MUC22: variants seen among roughly 807,000 people sequenced by gnomAD.
The protein encoded by MUC22 is mucin 22, also known as mucin-22.
In MUC22, 24 loss-of-function variants were observed where a neutral mutation model predicts 40.3. The observed-to-expected ratio is 0.60, with a 90% CI of 0.43 to 0.84. The LOEUF (loss-of-function observed/expected upper bound fraction) is 0.84, where lower values mean the gene tolerates loss of function less well. Ranked by LOEUF, MUC22 falls within the 40% of genes least tolerant of loss-of-function variation. The pLI is 0.00. For missense variants in MUC22, 1,926 were observed against 2,130.7 expected (o/e 0.90, Z 1.89); for synonymous variants, 765 against 844.5 (o/e 0.91, Z 1.63).
chr6:31,018,556 C>T lies in MUC22; in HGVS notation c.71-6946C>T, dbSNP rs145048612. Among the ~76,000 whole-genome samples the T allele has an allele frequency of 1.7e-4, 26 of 152,356 alleles. 1 individual carries two copies. In the East Asian group the frequency reaches 4.4e-3, roughly 26 times the overall value. ...ATCTCCTCTGCTGTTATCTCTCCATCGTTTGTCCTTGTGGAGGTATGTGTT... is the reference window on the plus strand; with the variant it reads ...ATCTCCTCTGCTGTTATCTCTCCATTGTTTGTCCTTGTGGAGGTATGTGTT... On this transcript the variant is annotated intron_variant, in intron 1 of 3. Transcript: ENST00000561890.
chr6:31,022,386 A>T (rs866740418), intron 1 of MUC22, among the ~76,000 whole-genome samples: 1 of 151,924 alleles, frequency 6.6e-6, no homozygotes, highest in Non-Finnish European at 1.5e-5. Flanking sequence ...CTGGTATCGA[A>T]CTCCTGGTGA....
chr6:31,019,164 C>A (rs1764487241), intron 1 of MUC22, among the ~76,000 whole-genome samples: 1 of 151,090 alleles, frequency 6.6e-6, no homozygotes, highest in Non-Finnish European at 1.5e-5. Context: ...CCTATTCATT[C>A]AGATAAATAG....
chr6:31,026,713 A>G (rs1765395574), exon 2 of MUC22: 1 of 1,505,744 alleles, frequency 6.6e-7, no homozygotes, highest in African/African-American at 1.4e-5. Context: ...TGAGATGACC[A>G]CAGTCTTCAC....
chr6:31,024,550 T>C (rs561352798), intron 1 of MUC22, among the ~76,000 whole-genome samples: 1 of 152,316 alleles, frequency 6.6e-6, no homozygotes, highest in South Asian at 2.1e-4. Context: ...TCTACCATGG[T>C]ATTTTGCTAA....
At chr6:31,017,739 T>A (rs1406709713) in intron 1 of MUC22, among the ~76,000 whole-genome samples, 1 of 125,972 alleles carries the variant, frequency 7.9e-6, no homozygotes. Context: ...ATCAGCTCTC[T>A]GTAAAACCAA....
intron 1 of MUC22, among the ~76,000 whole-genome samples, chr6:31,022,539 A>G (rs1446950512): frequency 1.3e-5 from 2 of 149,736 alleles, no homozygotes; most frequent in Admixed American, 6.6e-5. Context: ...GCTGGAAATG[A>G]TAAATATATG....
intron 1 of MUC22, among the ~76,000 whole-genome samples, chr6:31,016,663 C>G (rs918845518): frequency 6.6e-6 from 1 of 152,272 alleles, no homozygotes; most frequent in Non-Finnish European, 1.5e-5. Context: ...AGTCTCGGAG[C>G]CTCCTCGGCC....
At chr6:31,026,693 C>G (rs116633440) in exon 2 of MUC22, 26,051 of 1,507,174 alleles carry the variant, frequency 0.017, 3,084 homozygotes, top group Admixed American at 0.046. Context: ...GCAGCCTCTA[C>G]CACAGGCTCT....
chr6:31,022,794 AATG>A lies in MUC22; in HGVS notation c.71-2705_71-2703del, dbSNP rs201321857. On this transcript the variant is annotated intron_variant, in intron 1 of 3. Transcript: ENST00000561890. ...CCTAGAGCAAAGGCACACAAATAAG[AATG>A]ATATTTAATAAGCTAATGGTGGAAA... Among the ~76,000 whole-genome samples the A allele has an allele frequency of 8.3e-3, 933 of 111,890 alleles. 8 individuals carry two copies. Among genetic ancestry groups the A allele is most frequent in the African/African-American group, 0.032 (880 of 27,824 alleles). The allele number at this position is 111,890 out of a possible 152,430, so 73.4% of individuals were successfully genotyped here.
At position 31,032,548 on chromosome 6, in the gene MUC22, T is replaced by G. The variant is rs1179946311; in HGVS notation, c.5022T>G (p.Ala1674=). Residue 1674 remains alanine, a synonymous_variant, in exon 3 of 4, where the codon GCT becomes GCG. Coordinates refer to ENST00000561890, the Ensembl canonical transcript of MUC22. This position sits in a 1 kb window ranked among gnomAD's most constrained non-coding sequence, Gnocchi z 4.1. ...TTTCCCTGGCTGCAGTTGTGGCTGC[T>G]GTTGGATTGTCAGTAGGACTGAGTT... 6.5e-7 allele frequency: 1 copy of G among 1,535,524 alleles called. No homozygotes were observed. The highest frequency in any genetic ancestry group is 8.7e-7 in the Non-Finnish European group (1 of 1,146,798).
chr6:31,035,094 TA>T, exon 4 of MUC22: 1 of 813,342 alleles, frequency 1.2e-6, no homozygotes, highest in East Asian at 2.7e-5. Context: ...AAATGGAGCA[TA>T]GGAAGCTTCC....
chr6:31,010,135 T>C (rs1763764473), upstream of MUC22, among the ~76,000 whole-genome samples: 3 of 152,200 alleles, frequency 2.0e-5, no homozygotes, highest in Admixed American at 2.0e-4. Flanking sequence ...TTTCTTCTCT[T>C]CTTCCTTCTT....
At chr6:31,015,644 G>T (rs1029253667) in intron 1 of MUC22, among the ~76,000 whole-genome samples, 1 of 152,142 alleles carries the variant, frequency 6.6e-6, no homozygotes, top group Non-Finnish European at 1.5e-5. Flanking sequence ...GATTTTAAAG[G>T]CGTTGATCCA....
exon 2 of MUC22, chr6:31,026,571 T>C (rs1242288216): frequency 1.3e-6 from 2 of 1,496,388 alleles, no homozygotes; most frequent in Admixed American, 2.1e-5. Flanking sequence ...CCACAAACTC[T>C]ACTACAAGCT....
chr6:31,026,060 C>A, exon 2 of MUC22: 1 of 1,530,496 alleles, frequency 6.5e-7, no homozygotes, highest in South Asian at 1.2e-5. Context: ...AAAGTCTCTA[C>A]CACAGGCTCT....
rs369248718 is a variant in MUC22 at position 31,031,934 on chromosome 6, G to A, written c.4670-262G>A. Among the ~76,000 whole-genome samples the A allele has an allele frequency of 3.0e-4, 46 of 152,204 alleles. 1 individual carries two copies. In the South Asian group the frequency reaches 9.1e-3, roughly 30 times the overall value. On this transcript the variant is annotated intron_variant, in intron 2 of 3. Coordinates refer to ENST00000561890, the Ensembl canonical transcript of MUC22. The stretch of plus-strand genomic sequence containing the variant: ...CCACTTCTGAACCCATCGCGATAAC[G>A]TTTCCTCAAACTTCTGCCTCCTCCA...
At chr6:31,009,430 A>G (rs1763722537), upstream of MUC22, among the ~76,000 whole-genome samples, 1 of 152,134 alleles carries the variant, frequency 6.6e-6, no homozygotes. Context: ...GATGTGCCAC[A>G]TTCTTATCAC....
At chr6:31,028,436 C>G in exon 2 of MUC22, 1 of 1,533,040 alleles carries the variant, frequency 6.5e-7, no homozygotes, top group Non-Finnish European at 8.7e-7. Flanking sequence ...ACTGAAGGCT[C>G]CGAGACCACC....
At chr6:31,021,704 T>A (rs9501343) in intron 1 of MUC22, among the ~76,000 whole-genome samples, 17,890 of 152,040 alleles carry the variant, frequency 0.12, 1,275 homozygotes, top group East Asian at 0.33. Context: ...AGAACCTTTG[T>A]ATGTAGCTCA....
Sources: allele counts gnomAD v4.1 joint callset (sites outside exome capture counted in the v4.1 genomes callset), GRCh38; gene constraint gnomAD v4.1.1; non-coding constraint Gnocchi (gnomAD v3.1); transcripts MANE v1.5; gene names NCBI Gene and HGNC (gene_info 2026-07-23, HGNC 2026-07-21).